The following GNAQ variants were observed in gnomAD, a reference collection of about 807,000 sequenced individuals.
GNAQ encodes the protein guanine nucleotide-binding protein G(q) subunit alpha.
Under a neutral mutation model 43.9 loss-of-function variants are expected in GNAQ, and 8 were observed. The observed-to-expected ratio is 0.18, with a 90% CI of 0.11 to 0.33. The LOEUF is 0.33. Ranked by LOEUF, GNAQ falls within the 10% of genes least tolerant of loss-of-function variation. The pLI is 1.00. For missense variants in GNAQ, 158 were observed against 450.8 expected, an observed-to-expected ratio of 0.35 and a Z score of 5.88; for synonymous variants, 155 against 170.7, an observed-to-expected ratio of 0.91 and a Z score of 0.71.
At chr9:77,890,824 G>A (rs527549011) in intron 2 of GNAQ, among the ~76,000 whole-genome samples, 77 of 152,300 alleles carry the variant, frequency 5.1e-4, no homozygotes, top group Middle Eastern at 3.4e-3. Flanking sequence ...CCAGAGACTC[G>A]TCAGATGGTA....
intron 1 of GNAQ, among the ~76,000 whole-genome samples, chr9:77,922,692 C>T (rs1829016138): frequency 6.6e-6 from 1 of 152,138 alleles, no homozygotes; most frequent in Non-Finnish European, 1.5e-5. Context: ...AAGCTCTGTT[C>T]CCTGGAGAAT....
intron 1 of GNAQ, among the ~76,000 whole-genome samples, chr9:77,959,306 T>C (rs909192816): frequency 6.6e-6 from 1 of 152,236 alleles, no homozygotes; most frequent in Non-Finnish European, 1.5e-5. Context: ...TCTTCTGGTG[T>C]ATTTTAATCC....
chr9:77,753,004 G>A (rs1024590703), intron 5 of GNAQ, among the ~76,000 whole-genome samples: 14 of 148,760 alleles, frequency 9.4e-5, no homozygotes, highest in Non-Finnish European at 1.3e-4. Context: ...GGAGAATGGC[G>A]TGAACCCGGG....
At chr9:77,762,379 TGAG>T (rs1416952518) in intron 5 of GNAQ, among the ~76,000 whole-genome samples, 1 of 130,514 alleles carries the variant, frequency 7.7e-6, no homozygotes, top group Non-Finnish European at 1.6e-5. Context: ...TACTGGGAAG[TGAG>T]GAGCCCCTCT....
At chr9:77,940,941 G>A (rs571530957) in intron 1 of GNAQ, among the ~76,000 whole-genome samples, 2 of 151,582 alleles carry the variant, frequency 1.3e-5, no homozygotes, top group East Asian at 3.9e-4. Flanking sequence ...TCCAGCCTGG[G>A]CGACAGAGCG....
intron 1 of GNAQ, among the ~76,000 whole-genome samples, chr9:77,953,337 T>C (rs940058953): frequency 1.3e-5 from 2 of 152,232 alleles, no homozygotes; most frequent in Admixed American, 6.5e-5. Context: ...AACAAAATCA[T>C]CTCTGGGTGT....
intron 5 of GNAQ, among the ~76,000 whole-genome samples, chr9:77,772,925 C>A (rs943486940): frequency 4.6e-5 from 7 of 152,126 alleles, no homozygotes; most frequent in Non-Finnish European, 7.4e-5. Flanking sequence ...AACAAAAAAA[C>A]CACAGAAACA....
chr9:77,856,317 G>T (rs1827753606), intron 2 of GNAQ, among the ~76,000 whole-genome samples: 1 of 152,090 alleles, frequency 6.6e-6, no homozygotes, highest in Admixed American at 6.6e-5. Context: ...CAGGGGAGAT[G>T]AACATTTTAT....
At chr9:77,984,332 T>C (rs1354224337) in intron 1 of GNAQ, among the ~76,000 whole-genome samples, 1 of 151,918 alleles carries the variant, frequency 6.6e-6, no homozygotes, top group African/African-American at 2.4e-5. Context: ...ACCACGTGGC[T>C]AATTTTTCGT....
At chr9:77,897,658 A>C (rs551252641) in intron 2 of GNAQ, among the ~76,000 whole-genome samples, 1 of 152,258 alleles carries the variant, frequency 6.6e-6, no homozygotes, top group East Asian at 1.9e-4. Flanking sequence ...TCTCATTAAG[A>C]CTGTCTCCTT....
intron 2 of GNAQ, among the ~76,000 whole-genome samples, chr9:77,831,075 T>C (rs1011369235): frequency 6.6e-6 from 1 of 152,256 alleles, no homozygotes; most frequent in African/African-American, 2.4e-5. Context: ...AGAATCATGA[T>C]GTAAGCACAG....
At chr9:77,855,811 T>TAATATAACC (rs1231274264) in intron 2 of GNAQ, among the ~76,000 whole-genome samples, 2 of 152,138 alleles carry the variant, frequency 1.3e-5, no homozygotes, top group Non-Finnish European at 2.9e-5. Flanking sequence ...TGACTGGCTA[T>TAATATAACC]AATATAACCA....
chr9:78,026,810 A>G (rs532540445), intron 1 of GNAQ, among the ~76,000 whole-genome samples: 4 of 152,352 alleles, frequency 2.6e-5, no homozygotes, highest in Admixed American at 6.5e-5. Flanking sequence ...TATAGCTTTC[A>G]GTACAAATGC....
chr9:77,769,792 G>A (rs1270655244), intron 5 of GNAQ, among the ~76,000 whole-genome samples: 4 of 151,010 alleles, frequency 2.6e-5, no homozygotes, highest in South Asian at 2.1e-4. Flanking sequence ...AGCCTCCCAA[G>A]TAGCTGCGAC....
intron 2 of GNAQ, among the ~76,000 whole-genome samples, chr9:77,847,019 C>A (rs1487241615): frequency 6.6e-6 from 1 of 152,170 alleles, no homozygotes; most frequent in African/African-American, 2.4e-5. Context: ...ATACTTCGAA[C>A]TTCCTGAACT....
At chr9:77,794,324 G>A in intron 5 of GNAQ, 139 bp downstream of exon 5, 1 of 508,382 alleles carries the variant, frequency 2.0e-6, no homozygotes, top group East Asian at 3.3e-5. Flanking sequence ...GATTATTTTT[G>A]GTTATTTTAA....
intron 2 of GNAQ, among the ~76,000 whole-genome samples, chr9:77,869,113 A>G (rs1325969989): frequency 6.6e-6 from 1 of 152,182 alleles, no homozygotes; most frequent in Non-Finnish European, 1.5e-5. Context: ...CTTTGTCAAT[A>G]TTTATTTATA....
chr9:77,770,509 G>A (rs979029310), intron 5 of GNAQ, among the ~76,000 whole-genome samples: 3 of 152,152 alleles, frequency 2.0e-5, no homozygotes, highest in South Asian at 4.1e-4. Context: ...GGCCTTTGTC[G>A]GAAAAGATCC....
intron 5 of GNAQ, among the ~76,000 whole-genome samples, chr9:77,779,138 A>G (rs1826349152): frequency 6.6e-6 from 1 of 151,984 alleles, no homozygotes; most frequent in Non-Finnish European, 1.5e-5. Flanking sequence ...GCTCACACAT[A>G]ACAGTCACCA....
Sources: gnomAD v4.1 joint callset for allele counts (sites outside exome capture counted in the v4.1 genomes callset) on GRCh38, gnomAD v4.1.1 for gene constraint, MANE v1.5 for transcripts, NCBI Gene and HGNC (gene_info 2026-07-23, HGNC 2026-07-21) for gene names.